The following ASIC2 variants were observed in gnomAD, a reference collection of about 807,000 sequenced individuals.
The protein encoded by ASIC2 is acid-sensing ion channel 2.
In ASIC2, 25 loss-of-function variants were observed where a neutral mutation model predicts 57.3. The ratio of observed to expected loss-of-function variants is 0.44; its 90% CI spans 0.32 to 0.61. ASIC2 has a LOEUF of 0.61. Among genes scored for constraint, ASIC2 ranks in the 20% least tolerant of loss-of-function variants. ASIC2 has a pLI of 0.06. For missense variants in ASIC2, 641 were observed against 738.1 expected (o/e 0.87, Z 1.52); for synonymous variants, 319 against 307.5 (o/e 1.04, Z -0.39).
chr17:33,408,633 T>C (rs1243458850), intron 1 of ASIC2, among the ~76,000 whole-genome samples: 1 of 152,248 alleles, frequency 6.6e-6, no homozygotes, highest in African/African-American at 2.4e-5. Flanking sequence ...CTTTCTCCAC[T>C]GAGTAATAAC....
At chr17:33,119,834 G>A (rs1049345336) in intron 1 of ASIC2, among the ~76,000 whole-genome samples, 1 of 152,204 alleles carries the variant, frequency 6.6e-6, no homozygotes, top group Admixed American at 6.5e-5. Context: ...CAGCCCCTTT[G>A]CCCTTCCCAA....
At chr17:34,128,416 C>T (rs891753598) in intron 1 of ASIC2, among the ~76,000 whole-genome samples, 2 of 152,148 alleles carry the variant, frequency 1.3e-5, no homozygotes, top group African/African-American at 4.8e-5. Context: ...TCCCACTGTG[C>T]CTGCCTTGGG....
intron 1 of ASIC2, among the ~76,000 whole-genome samples, chr17:33,894,490 C>A (rs2141949635): frequency 6.6e-6 from 1 of 152,156 alleles, no homozygotes; most frequent in African/African-American, 2.4e-5. Context: ...TCACCTCTTC[C>A]CTGATGCCAC....
At chr17:33,030,604 A>T (rs1161906773) in intron 3 of ASIC2, among the ~76,000 whole-genome samples, 1 of 152,102 alleles carries the variant, frequency 6.6e-6, no homozygotes, top group Non-Finnish European at 1.5e-5. Flanking sequence ...TTTCCATCTT[A>T]GGAAGGAGGG....
chr17:33,207,019 T>C (rs1367356771), intron 1 of ASIC2, among the ~76,000 whole-genome samples: 1 of 152,164 alleles, frequency 6.6e-6, no homozygotes, highest in Admixed American at 6.5e-5. Context: ...CTGTCAATTG[T>C]GTTTAATAAT....
chr17:33,894,222 G>T (rs1915031827), intron 1 of ASIC2, among the ~76,000 whole-genome samples: 1 of 152,190 alleles, frequency 6.6e-6, no homozygotes, highest in Admixed American at 6.5e-5. Flanking sequence ...GTGAAATTAA[G>T]CTTCTGGGTG....
At chr17:34,109,823 G>C (rs1393739102) in intron 1 of ASIC2, among the ~76,000 whole-genome samples, 1 of 152,148 alleles carries the variant, frequency 6.6e-6, no homozygotes, top group African/African-American at 2.4e-5. Context: ...TCACACAGCA[G>C]TCATGGATTA....
At chr17:33,920,490 T>A (rs1915685838) in intron 1 of ASIC2, among the ~76,000 whole-genome samples, 1 of 152,018 alleles carries the variant, frequency 6.6e-6, no homozygotes, top group Admixed American at 6.6e-5. Flanking sequence ...CTCACTTATA[T>A]GGGGAGGTAA....
chr17:33,894,757 C>A (rs763404335), intron 1 of ASIC2, among the ~76,000 whole-genome samples: 28 of 152,136 alleles, frequency 1.8e-4, no homozygotes, highest in Non-Finnish European at 2.4e-4. Flanking sequence ...TTCAGCTTAG[C>A]CTTAAGTTAC....
intron 1 of ASIC2, among the ~76,000 whole-genome samples, chr17:33,968,488 G>A (rs8070999): frequency 0.37 from 56,263 of 152,140 alleles, 10,501 homozygotes; most frequent in East Asian, 0.48. Flanking sequence ...AGGGAGAAAC[G>A]GAACAGATTG....
At chr17:33,109,493 C>T (rs977266875) in intron 2 of ASIC2, among the ~76,000 whole-genome samples, 4 of 152,158 alleles carry the variant, frequency 2.6e-5, no homozygotes, top group East Asian at 1.9e-4. Context: ...CAAAGGAAAT[C>T]GTCTAAGTGA....
chr17:33,548,128 GA>G (rs1401531671), intron 1 of ASIC2, among the ~76,000 whole-genome samples: 3 of 152,188 alleles, frequency 2.0e-5, no homozygotes, highest in Non-Finnish European at 4.4e-5. Context: ...ATAAGCATAT[GA>G]AAGCTCAAAG....
intron 1 of ASIC2, among the ~76,000 whole-genome samples, chr17:33,400,273 T>C (rs1212094538): frequency 6.6e-6 from 1 of 152,248 alleles, no homozygotes; most frequent in Non-Finnish European, 1.5e-5. Flanking sequence ...CTATGTGTCC[T>C]TGTTGAAGAT....
At chr17:33,867,649 T>A (rs550274926) in intron 1 of ASIC2, among the ~76,000 whole-genome samples, 7 of 152,340 alleles carry the variant, frequency 4.6e-5, no homozygotes, top group African/African-American at 1.4e-4. Context: ...GGGCTGAGGT[T>A]CTACTGGGGA....
intron 1 of ASIC2, among the ~76,000 whole-genome samples, chr17:33,466,010 G>A (rs1031364134): frequency 2.6e-5 from 4 of 152,200 alleles, no homozygotes; most frequent in Non-Finnish European, 5.9e-5. Context: ...TCAGGGCACT[G>A]GGATTCTGGG....
At chr17:33,888,333 G>A (rs1216287921) in intron 1 of ASIC2, among the ~76,000 whole-genome samples, 1 of 152,138 alleles carries the variant, frequency 6.6e-6, no homozygotes, top group Non-Finnish European at 1.5e-5. Context: ...GTGTGGGGGT[G>A]CTGCAAGCTC....
At chr17:33,029,050 G>A (rs73273982) in intron 3 of ASIC2, among the ~76,000 whole-genome samples, 3,643 of 152,306 alleles carry the variant, frequency 0.024, 163 homozygotes, top group African/African-American at 0.08. Context: ...TACTTGCCTA[G>A]TGGGAAGGGT....
At chr17:33,366,385 T>G (rs886488879) in intron 1 of ASIC2, among the ~76,000 whole-genome samples, 2 of 152,248 alleles carry the variant, frequency 1.3e-5, no homozygotes, top group Admixed American at 6.5e-5. Flanking sequence ...TCTCTCTAGA[T>G]GCTCTCAGCT....
intron 1 of ASIC2, among the ~76,000 whole-genome samples, chr17:33,426,375 T>C (rs182331358): frequency 2.5e-4 from 38 of 152,318 alleles, no homozygotes; most frequent in African/African-American, 8.7e-4. Flanking sequence ...TCAAGGTTAC[T>C]CTATAAGAGC....
Sources: gnomAD v4.1 joint callset for allele counts (sites outside exome capture counted in the v4.1 genomes callset) on GRCh38, gnomAD v4.1.1 for gene constraint, MANE v1.5 for transcripts, NCBI Gene and HGNC (gene_info 2026-07-23, HGNC 2026-07-21) for gene names.